The following KIF7 variants were observed in gnomAD, a reference collection of about 807,000 sequenced individuals.
The protein encoded by KIF7 is kinesin family member 7.
In KIF7, 104 loss-of-function variants were observed where a neutral mutation model predicts 135.7. The observed-to-expected ratio is 0.77, with a 90% CI of 0.65 to 0.90. The LOEUF is 0.90. Ranked by LOEUF, KIF7 falls within the 40% of genes least tolerant of loss-of-function variation. KIF7 has a pLI of 0.00. For synonymous variants in KIF7, 883 were observed against 809.4 expected (o/e 1.09, Z -1.54); for missense variants, 2,005 against 1,839.1 (o/e 1.09, Z -1.65).
chr15:89,624,585 G>C, downstream of KIF7: 1 of 1,613,936 alleles, frequency 6.2e-7, no homozygotes, highest in Non-Finnish European at 8.5e-7. Context: ...ATGACCAGAA[G>C]GGACTGAGCC....
At chr15:89,650,444 A>AG (rs1964106091) in intron 2 of KIF7, among the ~76,000 whole-genome samples, 1 of 152,126 alleles carries the variant, frequency 6.6e-6, no homozygotes, top group Non-Finnish European at 1.5e-5. Context: ...CCCAAGCTGG[A>AG]GGGCAGTGGC....
At chr15:89,645,610 C>A (rs1963998005) in intron 8 of KIF7, among the ~76,000 whole-genome samples, 159 bp from the exon 9 acceptor site, 1 of 152,122 alleles carries the variant, frequency 6.6e-6, no homozygotes, top group African/African-American at 2.4e-5. Flanking sequence ...AGTCCAGGGG[C>A]AGAGTTTTAG....
At chr15:89,620,994 T>C (rs1963415928) in intron 1 of KIF7, among the ~76,000 whole-genome samples, 1 of 151,868 alleles carries the variant, frequency 6.6e-6, no homozygotes, top group Non-Finnish European at 1.5e-5. Flanking sequence ...GTGCTGGGAT[T>C]ACAGGCGTGA....
the KIF7 span, among the ~76,000 whole-genome samples, chr15:89,662,386 A>T: frequency 1.3e-5 from 2 of 152,192 alleles, no homozygotes; most frequent in Non-Finnish European, 2.9e-5. Flanking sequence ...AATCTCAGCT[A>T]TTCAGGAGGC....
rs575337920 is a variant in KIF7 at position 89,633,004 on chromosome 15, A to G, written c.2719-8T>C. ...CTTCTGCTCCTCAATCTTCTAAGGA[A>G]AAGTAGGGAGGGAGGGAGGGAACTC... is the stretch of plus-strand genomic sequence containing the variant. On this transcript the variant is annotated splice_region_variant and splice_polypyrimidine_tract_variant and intron_variant, in intron 13 of 18. Coordinates refer to ENST00000394412, the MANE Select transcript of KIF7 (RefSeq NM_198525.3). The G allele has an allele frequency of 3.1e-6, 2 of 645,726 alleles. No individual in the cohort carries two copies. Among genetic ancestry groups the G allele is most frequent in the African/African-American group, 3.8e-5 (1 of 26,604 alleles). The allele number at this position is 645,726 out of a possible 1,614,324, so 40.0% of individuals were successfully genotyped here.
rs193038496 is a variant in KIF7 at position 89,646,794 on chromosome 15, A to C, written c.1788+36T>G. 4.7e-5 allele frequency: 75 copies of C among 1,591,290 alleles called. No individual in the cohort carries two copies. In the Admixed American group the frequency reaches 6.3e-4, roughly 13 times the overall value. On this transcript the variant is annotated intron_variant, in intron 7 of 18. Transcript: ENST00000394412. ...CTGCCCCGAACTTGACCAGTCCAGC[A>C]GGGCCCACAGACACCCAGCCTCACC...
rs775505329 is a variant in KIF7 at position 89,619,801 on chromosome 15, G to A, written c.181-1606C>T. On this transcript the variant is annotated intron_variant and NMD_transcript_variant, in intron 1 of 2. Coordinates refer to the KIF7 transcript ENST00000558928. ...TATTCTGTGTCTCAGCCGAAGTCTC[G>A]AAGTGTGCAAAGAGTCCACTCTTTC... 34 of 1,613,878 alleles carry A rather than the reference G, an allele frequency of 2.1e-5. No homozygotes were observed. The highest frequency in any genetic ancestry group is 8.3e-5 in the Admixed American group (5 of 59,928).
chr15:89,630,701 G>C (rs971045446), intron 15 of KIF7: 1 of 617,382 alleles, frequency 1.6e-6, no homozygotes, highest in Non-Finnish European at 2.9e-6. Flanking sequence ...CTCAGAGGTG[G>C]CCTGCTCAAC....
chr15:89,632,752 G>C (rs2142000092), intron 14 of KIF7, 68 bp downstream of exon 14: 6 of 1,529,074 alleles, frequency 3.9e-6, no homozygotes, highest in Non-Finnish European at 5.3e-6. Flanking sequence ...CACCTGGCAA[G>C]ATCTGTCCTG....
At chr15:89,625,344 TC>T, downstream of KIF7, 1 of 1,613,774 alleles carries the variant, frequency 6.2e-7, no homozygotes, top group Non-Finnish European at 8.5e-7. Context: ...GGAAGACAAC[TC>T]CAGACATAAT....
At chr15:89,624,772 G>A (rs1490301928), downstream of KIF7, 3 of 1,614,176 alleles carry the variant, frequency 1.9e-6, no homozygotes, top group African/African-American at 2.7e-5. Flanking sequence ...AGTGGAAGAG[G>A]GTGAGGGGCT....
intron 7 of KIF7, among the ~76,000 whole-genome samples, 158 bp downstream of exon 7, chr15:89,646,672 C>T (rs1037865022): frequency 6.6e-5 from 10 of 152,194 alleles, no homozygotes; most frequent in Admixed American, 6.5e-4. Flanking sequence ...CAAATCTTGG[C>T]TCTTCCTCTG....
At chr15:89,636,222 T>C (rs1178734840) in intron 11 of KIF7, among the ~76,000 whole-genome samples, 1 of 151,382 alleles carries the variant, frequency 6.6e-6, no homozygotes, top group Admixed American at 6.6e-5. Flanking sequence ...CGCTGCAAAA[T>C]CATGCCAAAA....
At position 89,633,020 on chromosome 15, in the gene KIF7, G is replaced by GAGGGAGGGAGGA. The variant is rs1555423474; in HGVS notation, c.2719-25_2719-24insTCCTCCCTCCCT. On this transcript the variant is annotated intron_variant, in intron 13 of 18. Coordinates refer to ENST00000394412, the MANE Select transcript of KIF7 (RefSeq NM_198525.3). ...TTCTAAGGAAAAGTAGGGAGGGAGG[G>GAGGGAGGGAGGA]AGGGAACTCAGGGCCCACCTCTGGC... is the stretch of plus-strand genomic sequence containing the variant. 1.2e-4 allele frequency: 126 copies of GAGGGAGGGAGGA among 1,090,916 alleles called. 1 individual carries two copies. Among genetic ancestry groups the GAGGGAGGGAGGA allele is most frequent in the Middle Eastern group, 4.1e-4 (2 of 4,896 alleles). The allele number at this position is 1,090,916 out of a possible 1,614,324, so 67.6% of individuals were successfully genotyped here.
chr15:89,662,766 T>C, the KIF7 span, among the ~76,000 whole-genome samples: 377 of 152,310 alleles, frequency 2.5e-3, 2 homozygotes, highest in Admixed American at 4.6e-3. Context: ...AAGTCCCCCA[T>C]TGAGCCTAGA....
In KIF7 at chr15:89,649,947, G is replaced by A. The variant is rs1471288250; in HGVS notation, c.329-6C>T. The A allele has an allele frequency of 1.3e-6, 2 of 1,550,270 alleles. No homozygotes were observed. The highest frequency in any genetic ancestry group is 1.7e-6 in the Non-Finnish European group (2 of 1,146,938). On this transcript the variant is annotated splice_polypyrimidine_tract_variant and splice_region_variant and intron_variant, in intron 2 of 18. Transcript: ENST00000394412. ...CTCATCCTCAAGGAGGGAGGCTGGG[G>A]AGACACCGCAGGGCCTCCTGCCACT...
chr15:89,659,611 G>A (rs2141514788), upstream of KIF7, among the ~76,000 whole-genome samples: 1 of 152,256 alleles, frequency 6.6e-6, no homozygotes, highest in East Asian at 1.9e-4. Flanking sequence ...AATAAACAAT[G>A]TTCAATATCA....
At chr15:89,624,415 A>G (rs1299449279), downstream of KIF7, 2 of 1,614,088 alleles carry the variant, frequency 1.2e-6, no homozygotes, top group African/African-American at 2.7e-5. Context: ...ACAGAGAGCT[A>G]CATTGGACAC....
At chr15:89,660,745 C>T in the KIF7 span, among the ~76,000 whole-genome samples, 1 of 152,236 alleles carries the variant, frequency 6.6e-6, no homozygotes, top group Non-Finnish European at 1.5e-5. Flanking sequence ...GAGAAGTCTA[C>T]TTCCCTGTCC....
Sources: allele counts gnomAD v4.1 joint callset (sites outside exome capture counted in the v4.1 genomes callset), GRCh38; gene constraint gnomAD v4.1.1; transcripts MANE v1.5; gene names NCBI Gene and HGNC (gene_info 2026-07-23, HGNC 2026-07-21).